CLTA: variants seen among roughly 807,000 people sequenced by gnomAD.
The protein encoded by CLTA is clathrin, light polypeptide (Lca).
Under a neutral mutation model 26.9 loss-of-function variants are expected in CLTA, and 9 were observed. The ratio of observed to expected loss-of-function variants is 0.33; its 90% CI spans 0.20 to 0.58. The LOEUF (loss-of-function observed/expected upper bound fraction) is 0.58. Among genes scored for constraint, CLTA ranks in the 20% least tolerant of loss-of-function variants. The pLI, the probability that CLTA is intolerant of heterozygous loss-of-function variation, is 0.85. For synonymous variants in CLTA, 120 were observed against 115.5 expected, an observed-to-expected ratio of 1.04 and a Z score of -0.25; for missense variants, 278 against 294.2, an observed-to-expected ratio of 0.94 and a Z score of 0.40.
At chr9:36,191,304 G>T in intron 1 of CLTA, 31 bp downstream of exon 1, 1 of 1,481,082 alleles carries the variant, frequency 6.8e-7, no homozygotes, top group South Asian at 1.3e-5. Context: ...GGGGCGAGAG[G>T]ACTTGTCTGG....
intron 3 of CLTA, among the ~76,000 whole-genome samples, chr9:36,203,803 A>G (rs576551420): frequency 6.6e-6 from 1 of 152,314 alleles, no homozygotes; most frequent in African/African-American, 2.4e-5. Flanking sequence ...AAAACTAATG[A>G]CCCACTAAGA....
At chr9:36,209,337 A>AT in intron 4 of CLTA, 1 of 1,559,934 alleles carries the variant, frequency 6.4e-7, no homozygotes, top group Admixed American at 1.7e-5. Flanking sequence ...TGCAAAACTA[A>AT]TTCCTTTTTC....
intron 3 of CLTA, among the ~76,000 whole-genome samples, chr9:36,203,430 C>T (rs1376726096): frequency 6.6e-6 from 1 of 152,182 alleles, no homozygotes; most frequent in South Asian, 2.1e-4. Context: ...GCTTTGTGGT[C>T]CTCTCTAGTG....
intron 4 of CLTA, among the ~76,000 whole-genome samples, chr9:36,208,547 G>A (rs772859846): frequency 6.6e-6 from 1 of 152,168 alleles, no homozygotes; most frequent in Non-Finnish European, 1.5e-5. Context: ...ACCTCCAGCC[G>A]TTTTTTCCTG....
chr9:36,193,624 T>TGA (rs3070846), intron 1 of CLTA, among the ~76,000 whole-genome samples: 57,398 of 151,824 alleles, frequency 0.38, 12,181 homozygotes, highest in African/African-American at 0.58. Context: ...CTGAGTAAAT[T>TGA]GAGGTTTTAG....
At chr9:36,210,488 G>GC (rs1283941014) in intron 4 of CLTA, 1 of 1,409,666 alleles carries the variant, frequency 7.1e-7, no homozygotes, top group East Asian at 2.4e-5. Flanking sequence ...GGCCAGCAAA[G>GC]CCAGCTGCAC....
At chr9:36,201,796 C>A (rs968060204) in intron 3 of CLTA, among the ~76,000 whole-genome samples, 1 of 152,072 alleles carries the variant, frequency 6.6e-6, no homozygotes, top group Non-Finnish European at 1.5e-5. Flanking sequence ...TACTTCATGC[C>A]ATGGATAGAC....
At chr9:36,199,666 G>T (rs897185075) in intron 3 of CLTA, among the ~76,000 whole-genome samples, 35 of 151,398 alleles carry the variant, frequency 2.3e-4, no homozygotes, top group African/African-American at 8.3e-4. Flanking sequence ...GTGTTAGCCA[G>T]GTTGGTCTCG....
At chr9:36,204,322 C>A in intron 4 of CLTA, 143 bp downstream of exon 4, 1 of 878,822 alleles carries the variant, frequency 1.1e-6, no homozygotes, top group Non-Finnish European at 1.7e-6. Flanking sequence ...AAACAGGTTG[C>A]AAGTCTCTCG....
intron 1 of CLTA, among the ~76,000 whole-genome samples, chr9:36,193,582 G>A (rs1019075408): frequency 1.3e-5 from 2 of 152,156 alleles, no homozygotes; most frequent in Non-Finnish European, 2.9e-5. Context: ...GTGGGAGAAA[G>A]GAGTTACAAG....
In CLTA at chr9:36,191,200, C is replaced by A. The variant is rs1486761753; in HGVS notation, c.144C>A (p.Asn48Lys). The change falls in exon 1 of 5, where the codon AAC (asparagine) becomes AAA (lysine). Residue 48 changes from asparagine to lysine, a missense_variant. Asn to Lys is a moderately conservative substitution (Grantham distance 94). Transcript: ENST00000345519. ...AGAGCGAGATTGCGGGCATCGAGAACGACGAGGCCTTCGCCATCCTGGACG... is the reference window on the plus strand; with the variant it reads ...AGAGCGAGATTGCGGGCATCGAGAAAGACGAGGCCTTCGCCATCCTGGACG... ...QQESEIAGIE[N>K]DEAFAILDGG... The A allele has an allele frequency of 6.3e-7, 1 of 1,575,054 alleles. No homozygotes were observed. The highest frequency in any genetic ancestry group is 1.8e-5 in the Admixed American group (1 of 54,884).
At chr9:36,202,239 C>G (rs1349987267) in intron 3 of CLTA, among the ~76,000 whole-genome samples, 1 of 152,214 alleles carries the variant, frequency 6.6e-6, no homozygotes, top group Non-Finnish European at 1.5e-5. Context: ...TCCTACTAAC[C>G]TGAAACTTGG....
At chr9:36,193,680 TCAGCTATGA>T (rs2132854067) in intron 1 of CLTA, among the ~76,000 whole-genome samples, 1 of 152,258 alleles carries the variant, frequency 6.6e-6, no homozygotes, top group Non-Finnish European at 1.5e-5. Flanking sequence ...ATATAGGCAG[TCAGCTATGA>T]CAGATTGATG....
chr9:36,208,074 T>A (rs1169850093), intron 4 of CLTA, among the ~76,000 whole-genome samples: 1 of 152,224 alleles, frequency 6.6e-6, no homozygotes, highest in African/African-American at 2.4e-5. Context: ...AACTTAAAAT[T>A]ACTAGAATTT....
chr9:36,210,627 C>T, intron 4 of CLTA: 2 of 1,614,176 alleles, frequency 1.2e-6, no homozygotes, highest in Non-Finnish European at 1.7e-6. Context: ...CCTTTAAGCA[C>T]AAACATAAAC....
Position 36,191,053 on chromosome 9 carries a change from C to T in CLTA, c.-4C>T, listed in dbSNP as rs1252447855. 13 of 1,539,316 alleles carry T rather than the reference C, an allele frequency of 8.4e-6. No individual in the cohort carries two copies. The highest frequency in any genetic ancestry group is 2.8e-5 in the African/African-American group (2 of 70,518). The stretch of plus-strand genomic sequence containing the variant: ...TTGGTGTCCGTGCCGTTCAGTTGCC[C>T]GCCATGGCTGAGCTGGATCCGTTCG... On this transcript the variant is annotated 5_prime_UTR_variant, in exon 1 of 5. Coordinates refer to ENST00000345519, the MANE Select transcript of CLTA (RefSeq NM_001833.4).
rs1827572871 is a variant in CLTA, at chr9:36,203,962, C to T, written c.374-106C>T. On this transcript the variant is annotated intron_variant, in intron 3 of 4. Transcript: ENST00000345519. ...TCTTCTCCCCCAACAGGCACACAGA[C>T]ATGGACCTGCACCCACCACAAGTTC... The T allele has an allele frequency of 4.1e-6, 6 of 1,478,768 alleles. No homozygotes were observed. The Admixed American group carries it at 1.3e-4, about 32-fold the overall frequency. 91.6% of individuals were successfully genotyped at this position (1,478,768 alleles called of 1,614,324 possible).
rs1421276107 is a variant in CLTA, at chr9:36,204,177, C to T, written c.483C>T (p.Asn161=). 6.2e-7 allele frequency: 1 copy of T among 1,613,046 alleles called. No individual in the cohort carries two copies. The highest frequency in any genetic ancestry group is 1.1e-5 in the South Asian group (1 of 90,854). The change falls in exon 4 of 5, where the codon AAC becomes AAT. Residue 161 remains asparagine (N), a splice_region_variant and synonymous_variant. Coordinates refer to ENST00000345519, the MANE Select transcript of CLTA (RefSeq NM_001833.4). ...DEQLQKTKAN[N]RAAEEAFVND... ...AGCTACAGAAAACAAAAGCAAACAA[C>T]AGGTCAGTCCGTGGTGGTTGTAGCA...
At chr9:36,207,675 A>G (rs780593290) in intron 4 of CLTA, among the ~76,000 whole-genome samples, 6 of 152,162 alleles carry the variant, frequency 3.9e-5, no homozygotes, top group Non-Finnish European at 7.4e-5. Context: ...TGGGCCTGCA[A>G]CCTTGACAGG....
Sources: allele counts gnomAD v4.1 joint callset (sites outside exome capture counted in the v4.1 genomes callset), GRCh38; gene constraint gnomAD v4.1.1; transcripts MANE v1.5; gene names NCBI Gene and HGNC (gene_info 2026-07-23, HGNC 2026-07-21).